Variants in OPCML observed in about 807,000 individuals in gnomAD.
OPCML encodes the protein opioid binding protein/cell adhesion molecule like.
Under a neutral mutation model 37.8 loss-of-function variants are expected in OPCML, and 13 were observed. The ratio of observed to expected loss-of-function variants is 0.34; its 90% confidence interval spans 0.22 to 0.55. The LOEUF (loss-of-function observed/expected upper bound fraction) is 0.55, where lower values mean the gene tolerates loss of function less well. Among genes scored for constraint, OPCML ranks in the 20% least tolerant of loss-of-function variants. The probability of loss-of-function intolerance (pLI) is 0.91; values close to 1 mark genes in which losing one functional copy is unlikely to be tolerated. For synonymous variants in OPCML, 176 were observed against 168.8 expected (o/e 1.04, Z -0.33); for missense variants, 341 against 435.6 (o/e 0.78, Z 1.93).
At chr11:132,559,104 G>C (rs931736425) in intron 3 of OPCML, among the ~76,000 whole-genome samples, 1 of 151,944 alleles carries the variant, frequency 6.6e-6, no homozygotes, top group African/African-American at 2.4e-5. Context: ...TAAGAAAGAG[G>C]CAAGGGGAGA....
intron 4 of OPCML, among the ~76,000 whole-genome samples, chr11:132,498,984 A>T (rs896442829): frequency 1.3e-5 from 2 of 152,210 alleles, no homozygotes; most frequent in African/African-American, 2.4e-5. Flanking sequence ...TCCTATGGAG[A>T]TACTATTTTA....
chr11:133,377,660 C>T (rs1385106908), intron 1 of OPCML, among the ~76,000 whole-genome samples: 2 of 146,296 alleles, frequency 1.4e-5, no homozygotes, highest in African/African-American at 5.1e-5. Context: ...CCCATTAGAG[C>T]AGACATGTGC....
chr11:133,475,668 G>A (rs1947224417), intron 1 of OPCML, among the ~76,000 whole-genome samples: 1 of 152,184 alleles, frequency 6.6e-6, no homozygotes, highest in African/African-American at 2.4e-5. Flanking sequence ...GAGAAAATAA[G>A]AGAGACATCA....
intron 1 of OPCML, among the ~76,000 whole-genome samples, chr11:133,276,245 C>T (rs890091279): frequency 4.6e-5 from 7 of 152,048 alleles, no homozygotes; most frequent in African/African-American, 1.5e-4. Context: ...TAGACCTAAG[C>T]ATATTTACAG....
intron 3 of OPCML, among the ~76,000 whole-genome samples, chr11:132,532,996 G>A (rs1002161010): frequency 4.6e-5 from 7 of 152,098 alleles, no homozygotes; most frequent in Non-Finnish European, 8.8e-5. Context: ...TTAATTTTTA[G>A]ACAAGTATCT....
chr11:132,621,377 A>T (rs1037040608), intron 3 of OPCML, among the ~76,000 whole-genome samples: 2 of 152,240 alleles, frequency 1.3e-5, no homozygotes, highest in African/African-American at 4.8e-5. Flanking sequence ...TTTATTCAAA[A>T]TGGCTAAAAG....
intron 2 of OPCML, among the ~76,000 whole-genome samples, chr11:132,873,725 A>G (rs1335986267): frequency 1.3e-5 from 2 of 152,098 alleles, no homozygotes; most frequent in Non-Finnish European, 2.9e-5. Context: ...CAAAAAAAAA[A>G]AAAAAAGGAG....
intron 4 of OPCML, among the ~76,000 whole-genome samples, chr11:132,474,004 T>C (rs2096146509): frequency 6.6e-6 from 1 of 152,104 alleles, no homozygotes; most frequent in African/African-American, 2.4e-5. Flanking sequence ...GCCTCAGGTA[T>C]GTAGCTGAGC....
chr11:132,817,492 G>A lies in OPCML; in HGVS notation c.146+125434C>T, dbSNP rs139638053. Among the ~76,000 whole-genome samples, 274 of 152,186 alleles carry A rather than the reference G, an allele frequency of 1.8e-3. 1 individual carries two copies. Among genetic ancestry groups the A allele is most frequent in the African/African-American group, 6.4e-3 (266 of 41,510 alleles). On this transcript the variant is annotated intron_variant, in intron 2 of 7. Transcript: ENST00000524381. The stretch of plus-strand genomic sequence containing the variant: ...TGTCTTTGGAAAAAAAATTTTTAAA[G>A]GGATGTGTGAAGCAGACAGCTGGCT...
At chr11:132,995,015 A>G in intron 1 of OPCML, among the ~76,000 whole-genome samples, 1 of 152,222 alleles carries the variant, frequency 6.6e-6, no homozygotes, top group East Asian at 1.9e-4. Context: ...ATAGCTGACT[A>G]TGAAACCCAA....
intron 2 of OPCML, among the ~76,000 whole-genome samples, chr11:132,760,148 C>T (rs182925339): frequency 4.0e-4 from 61 of 152,280 alleles, no homozygotes; most frequent in Non-Finnish European, 7.5e-4. Context: ...TTTGATTGCA[C>T]TGTGGTCTGA....
At chr11:133,081,945 G>A (rs1016131081) in intron 1 of OPCML, among the ~76,000 whole-genome samples, 2 of 152,122 alleles carry the variant, frequency 1.3e-5, no homozygotes, top group African/African-American at 4.8e-5. Context: ...CATCCCAACG[G>A]GAGCGCGGTC....
chr11:132,702,555 G>C (rs1462086282), intron 2 of OPCML, among the ~76,000 whole-genome samples: 1 of 152,054 alleles, frequency 6.6e-6, no homozygotes, highest in Non-Finnish European at 1.5e-5. Context: ...TTTATGTTTA[G>C]TCTATTTGGA....
intron 1 of OPCML, among the ~76,000 whole-genome samples, chr11:132,944,667 G>C (rs993202273): frequency 6.6e-6 from 1 of 152,214 alleles, no homozygotes; most frequent in Non-Finnish European, 1.5e-5. Flanking sequence ...AAGCGGCGCC[G>C]CAGTGGTGCT....
intron 1 of OPCML, among the ~76,000 whole-genome samples, chr11:133,447,932 G>A (rs968698826): frequency 2.0e-5 from 3 of 152,138 alleles, no homozygotes; most frequent in African/African-American, 7.2e-5. Flanking sequence ...TATATTCTAT[G>A]TATAAGTGTT....
chr11:133,532,204 C>G (rs1948620878), intron 1 of OPCML, 60 bp downstream of exon 1: 1 of 1,586,358 alleles, frequency 6.3e-7, no homozygotes, highest in East Asian at 2.3e-5. Flanking sequence ...CACTGCCTCT[C>G]CTGCTCTCAC....
chr11:133,237,754 T>C (rs11223408), intron 1 of OPCML, among the ~76,000 whole-genome samples: 12,305 of 152,210 alleles, frequency 0.081, 584 homozygotes, highest in East Asian at 0.12. Context: ...CATATATCAG[T>C]GTGCAAACAC....
chr11:132,990,343 G>A (rs573656725), intron 1 of OPCML, among the ~76,000 whole-genome samples: 6 of 152,304 alleles, frequency 3.9e-5, no homozygotes, highest in East Asian at 3.9e-4. Flanking sequence ...CTCCTATAGC[G>A]TCAATCTCAG....
intron 3 of OPCML, among the ~76,000 whole-genome samples, chr11:132,580,466 T>G (rs1408847835): frequency 6.6e-6 from 1 of 152,214 alleles, no homozygotes; most frequent in Non-Finnish European, 1.5e-5. Flanking sequence ...GAACTAGTTA[T>G]GTTAGAAGAA....
Sources: allele counts gnomAD v4.1 joint callset (sites outside exome capture counted in the v4.1 genomes callset), GRCh38; gene constraint gnomAD v4.1.1; transcripts MANE v1.5; gene names NCBI Gene and HGNC (gene_info 2026-07-23, HGNC 2026-07-21).